MAP3K7: variants seen among roughly 807,000 people sequenced by gnomAD.
MAP3K7 encodes the protein TGF-beta activated kinase 1.
Under a neutral mutation model 84.8 loss-of-function variants are expected in MAP3K7, and 21 were observed. That is an observed-to-expected ratio of 0.25 (90% CI 0.18 to 0.36). The LOEUF (loss-of-function observed/expected upper bound fraction) is 0.36. Among genes scored for constraint, MAP3K7 ranks in the 10% least tolerant of loss-of-function variants. The probability of loss-of-function intolerance (pLI) is 1.00; values close to 1 mark genes in which losing one functional copy is unlikely to be tolerated. For missense variants in MAP3K7, 503 were observed against 747.7 expected (o/e 0.67, Z 3.82); for synonymous variants, 241 against 247.7 (o/e 0.97, Z 0.25).
At chr6:90,586,298 G>A (rs1483490663) in intron 1 of MAP3K7, among the ~76,000 whole-genome samples, 3 of 150,332 alleles carry the variant, frequency 2.0e-5, no homozygotes, top group Non-Finnish European at 4.4e-5. Context: ...CGTGAACCCG[G>A]GAAGCGGAGC....
chr6:90,578,620 TATCCATAAGA>T (rs1269163371), intron 1 of MAP3K7, among the ~76,000 whole-genome samples: 30 of 152,282 alleles, frequency 2.0e-4, no homozygotes, highest in African/African-American at 7.2e-4. Context: ...TATAAGCATA[TATCCATAAGA>T]GTAGAAGATA....
At chr6:90,578,940 T>C (rs1038563138) in intron 1 of MAP3K7, among the ~76,000 whole-genome samples, 5 of 152,226 alleles carry the variant, frequency 3.3e-5, no homozygotes, top group African/African-American at 1.2e-4. Flanking sequence ...ATGATGGAGT[T>C]TGAGTGTCAC....
In MAP3K7 at chr6:90,536,301, A is replaced by G. The variant is rs1477139355; in HGVS notation, c.1356+36T>C. On this transcript the variant is annotated intron_variant, in intron 13 of 16. Coordinates refer to ENST00000369329, the MANE Select transcript of MAP3K7 (RefSeq NM_145331.3). ...AGTTAATTCTTGTTTTCTGCCTAGT[A>G]TTCTTCAAAGATAGAAAATTTGAAT... 6.5e-6 allele frequency: 10 copies of G among 1,542,336 alleles called. No homozygotes were observed. In the East Asian group the frequency reaches 1.1e-4, roughly 17 times the overall value.
chr6:90,556,241 T>C (rs1257593297), intron 6 of MAP3K7, among the ~76,000 whole-genome samples: 1 of 152,222 alleles, frequency 6.6e-6, no homozygotes, highest in Non-Finnish European at 1.5e-5. Flanking sequence ...AAATAAATGT[T>C]AGCAAATAGG....
chr6:90,535,060 T>G (rs1775624055), intron 13 of MAP3K7, among the ~76,000 whole-genome samples: 1 of 151,910 alleles, frequency 6.6e-6, no homozygotes, highest in East Asian at 1.9e-4. Context: ...AGATTTAGAG[T>G]CACTAGTATC....
At chr6:90,560,020 T>C in intron 5 of MAP3K7, 56 bp downstream of exon 5, 1 of 1,602,452 alleles carries the variant, frequency 6.2e-7, no homozygotes, top group Non-Finnish European at 8.5e-7. Context: ...TTCGGGGTGG[T>C]GAGAGTGAGA....
chr6:90,540,599 G>A (rs995012285), intron 12 of MAP3K7, among the ~76,000 whole-genome samples: 1 of 151,884 alleles, frequency 6.6e-6, no homozygotes, highest in African/African-American at 2.4e-5. Context: ...TCTTTTATAG[G>A]TGGTAAGTAT....
chr6:90,585,107 T>C (rs955399754), intron 1 of MAP3K7, among the ~76,000 whole-genome samples: 3 of 152,212 alleles, frequency 2.0e-5, no homozygotes, highest in Non-Finnish European at 4.4e-5. Context: ...AGATCTGTTA[T>C]GCAGATAAAA....
chr6:90,558,357 A>C (rs1351495626), intron 5 of MAP3K7, among the ~76,000 whole-genome samples: 1 of 151,950 alleles, frequency 6.6e-6, no homozygotes, highest in Non-Finnish European at 1.5e-5. Context: ...AAAATAATTA[A>C]AAAATAAAGA....
At chr6:90,554,712 T>A (rs1198473004) in intron 6 of MAP3K7, among the ~76,000 whole-genome samples, 1 of 152,246 alleles carries the variant, frequency 6.6e-6, no homozygotes, top group African/African-American at 2.4e-5. Context: ...AACAAATCTT[T>A]TTGCTCTCCA....
intron 1 of MAP3K7, among the ~76,000 whole-genome samples, chr6:90,579,584 C>T (rs1777201111): frequency 6.6e-6 from 1 of 152,152 alleles, no homozygotes; most frequent in Non-Finnish European, 1.5e-5. Flanking sequence ...TTATTAAGTT[C>T]AATATGTCAA....
rs767502781 is a variant in MAP3K7 at position 90,544,627 on chromosome 6, A to C, written c.1216T>G (p.Ser406Ala). The C allele has an allele frequency of 1.2e-6, 2 of 1,612,308 alleles. No homozygotes were observed. The highest frequency in any genetic ancestry group is 2.2e-5 in the South Asian group (2 of 91,048). Residue 406 changes from serine to alanine, a missense_variant, in exon 12 of 17, where the codon TCC becomes GCC. Ser to Ala is a moderately conservative substitution (Grantham distance 99). Coordinates refer to ENST00000369329, the MANE Select transcript of MAP3K7 (RefSeq NM_145331.3). ...TTACGGTGGCCCCGTTTAGGCTTGG[A>C]ATAGGCTGCAAAAACACATATATAC... ...EARIAATTAY[S>A]KPKRGHRKTA...
chr6:90,568,296 C>T (rs763844740), intron 3 of MAP3K7, among the ~76,000 whole-genome samples: 31 of 151,534 alleles, frequency 2.0e-4, no homozygotes, highest in Non-Finnish European at 4.1e-4. Context: ...AGCAATGCCA[C>T]GGTGCTGTAT....
At chr6:90,519,616 G>A (rs916878559) in intron 14 of MAP3K7, among the ~76,000 whole-genome samples, 1 of 151,910 alleles carries the variant, frequency 6.6e-6, no homozygotes, top group African/African-American at 2.4e-5. Flanking sequence ...CAAAAACAGT[G>A]ATGAGACCTT....
rs1776460262 is a variant in MAP3K7, at chr6:90,560,114, T to C, written c.444A>G (p.Gln148=). 3.1e-6 allele frequency: 5 copies of C among 1,614,066 alleles called. No homozygotes were observed. In the South Asian group the frequency reaches 4.4e-5, roughly 14 times the overall value. The change falls in exon 5 of 17, where the codon CAA becomes CAG. Residue 148 remains glutamine, a synonymous_variant. Transcript: ENST00000369329. The stretch of plus-strand genomic sequence containing the variant: ...GGTCCCTGTGAATTAGCGCTTTGGG[T>C]TGCATGCTGTGAAGATAAGCCACTC... ...SQGVAYLHSM[Q]PKALIHRDLK... is the part of the protein sequence containing the mutation.
At chr6:90,517,014 T>C (rs530023213) in intron 16 of MAP3K7, among the ~76,000 whole-genome samples, 1 of 151,908 alleles carries the variant, frequency 6.6e-6, no homozygotes, top group Non-Finnish European at 1.5e-5. Flanking sequence ...TATGTGGCTA[T>C]GGGAAAATAT....
intron 3 of MAP3K7, among the ~76,000 whole-genome samples, 169 bp from the exon 4 acceptor site, chr6:90,561,836 A>C (rs538072450): frequency 1.3e-5 from 2 of 152,344 alleles, no homozygotes; most frequent in East Asian, 3.9e-4. Context: ...ATGACCTAAG[A>C]CTAAGACTGT....
At chr6:90,574,229 T>G (rs1373016834) in intron 1 of MAP3K7, among the ~76,000 whole-genome samples, 1 of 152,162 alleles carries the variant, frequency 6.6e-6, no homozygotes, top group Non-Finnish European at 1.5e-5. Context: ...TGCTTGGAAT[T>G]GGGTATGAAT....
chr6:90,568,469 A>G (rs1776790174), intron 3 of MAP3K7, 89 bp downstream of exon 3: 1 of 1,155,710 alleles, frequency 8.7e-7, no homozygotes, highest in Non-Finnish European at 1.2e-6. Flanking sequence ...TAAAAAAAAC[A>G]AAAAAACCCA....
Sources: gnomAD v4.1 joint callset for allele counts (sites outside exome capture counted in the v4.1 genomes callset) on GRCh38, gnomAD v4.1.1 for gene constraint, MANE v1.5 for transcripts, NCBI Gene and HGNC (gene_info 2026-07-23, HGNC 2026-07-21) for gene names.